LARGE1: variants seen among roughly 807,000 people sequenced by gnomAD.
LARGE1 encodes the protein xylosyl- and glucuronyltransferase LARGE1.
LARGE1 carries 43 observed loss-of-function variants against 87.6 expected under a neutral mutation model. The ratio of observed to expected loss-of-function variants is 0.49; its 90% CI spans 0.38 to 0.63. The LOEUF (loss-of-function observed/expected upper bound fraction) is 0.63. LARGE1 is among the 30% of genes least tolerant of loss of function. The pLI is 0.00. For synonymous variants in LARGE1, 434 were observed against 394.6 expected, an observed-to-expected ratio of 1.10 and a Z score of -1.18; for missense variants, 802 against 1,000.2, an observed-to-expected ratio of 0.80 and a Z score of 2.67.
chr22:33,735,704 T>TTTTAGGGTATTCAGAGTTGTGC (rs1279955463), intron 2 of LARGE1, among the ~76,000 whole-genome samples: 1 of 152,160 alleles, frequency 6.6e-6, no homozygotes, highest in African/African-American at 2.4e-5. Flanking sequence ...TTTCAGTGGT[T>TTTTAGGGTATTCAGAGTTGTGC]TTTAGGGTAT....
chr22:33,102,246 G>T, the LARGE1 span, among the ~76,000 whole-genome samples: 1 of 150,342 alleles, frequency 6.7e-6, no homozygotes, highest in South Asian at 2.1e-4. Context: ...TTGACTCACT[G>T]CAACCTCCGC....
chr22:33,176,447 C>CGAATTT (rs1922875701), intron 11 of LARGE1, among the ~76,000 whole-genome samples: 2 of 151,782 alleles, frequency 1.3e-5, no homozygotes, highest in Non-Finnish European at 2.9e-5. Flanking sequence ...AGAATTTAAA[C>CGAATTT]AAATTTACAA....
chr22:33,288,948 AATT>A (rs111962265), intron 12 of LARGE1, among the ~76,000 whole-genome samples: 35 of 150,930 alleles, frequency 2.3e-4, no homozygotes, highest in Middle Eastern at 3.4e-3. Flanking sequence ...TGGATCAAGG[AATT>A]ATTATTATTA....
At chr22:33,876,488 G>A (rs1346433140) in intron 1 of LARGE1, among the ~76,000 whole-genome samples, 1 of 151,214 alleles carries the variant, frequency 6.6e-6, no homozygotes, top group Non-Finnish European at 1.5e-5. Flanking sequence ...TATGCTTTCT[G>A]TGCTTTGCTG....
At chr22:33,242,571 C>T (rs548793164) in intron 11 of LARGE1, among the ~76,000 whole-genome samples, 25 of 152,116 alleles carry the variant, frequency 1.6e-4, no homozygotes, top group Non-Finnish European at 2.6e-4. Context: ...CTTTTCTTTC[C>T]GTTTTTTTCA....
At position 33,388,604 on chromosome 22, in the gene LARGE1, T is replaced by C. The variant is rs552892523; in HGVS notation, c.893-4300A>G. ...TTTTTTAGACAGAGTCTTGCTCTGC[T>C]GCCCAGGCTGGAGTGCAATGGCACG... On this transcript the variant is annotated intron_variant, in intron 7 of 14. Transcript: ENST00000397394. Among the ~76,000 whole-genome samples, 202 of 152,264 alleles carry C rather than the reference T, an allele frequency of 1.3e-3. 1 individual carries two copies. Among genetic ancestry groups the C allele is most frequent in the African/African-American group, 4.7e-3 (195 of 41,556 alleles).
chr22:33,188,379 G>T (rs1273064281), intron 11 of LARGE1, among the ~76,000 whole-genome samples: 2 of 152,022 alleles, frequency 1.3e-5, no homozygotes, highest in East Asian at 3.9e-4. Context: ...ATAAGGAGGG[G>T]CAGGTACAAC....
chr22:33,477,198 T>C (rs573180886), intron 6 of LARGE1, among the ~76,000 whole-genome samples: 1 of 152,292 alleles, frequency 6.6e-6, no homozygotes, highest in East Asian at 1.9e-4. Context: ...TATGTACAGA[T>C]TTCTTCCTTC....
intron 6 of LARGE1, among the ~76,000 whole-genome samples, chr22:33,496,204 G>A (rs765959767): frequency 6.6e-6 from 1 of 152,052 alleles, no homozygotes; most frequent in Admixed American, 6.5e-5. Context: ...TATTCCGGCC[G>A]TGCTGGCAGC....
At chr22:33,394,853 G>T (rs1002256375) in intron 7 of LARGE1, among the ~76,000 whole-genome samples, 2 of 152,028 alleles carry the variant, frequency 1.3e-5, no homozygotes, top group Non-Finnish European at 2.9e-5. Context: ...GTAAGTAAAT[G>T]TTTGAAGGAC....
chr22:33,716,962 A>T (rs1409858436), intron 2 of LARGE1, among the ~76,000 whole-genome samples: 1 of 152,212 alleles, frequency 6.6e-6, no homozygotes, highest in East Asian at 1.9e-4. Context: ...ATATCAAATG[A>T]ATGAGTTCTT....
At chr22:33,852,851 G>A (rs111898527) in intron 1 of LARGE1, among the ~76,000 whole-genome samples, 1,971 of 72,542 alleles carry the variant, frequency 0.027, 46 homozygotes, top group African/African-American at 0.1. Context: ...GCGAGACTCC[G>A]TCTCCAAAAA....
At chr22:33,648,674 A>T (rs1168425546) in intron 3 of LARGE1, among the ~76,000 whole-genome samples, 1 of 152,206 alleles carries the variant, frequency 6.6e-6, no homozygotes, top group Non-Finnish European at 1.5e-5. Flanking sequence ...ATACATAGAG[A>T]TATTAAGTAA....
chr22:33,140,615 T>C, the LARGE1 span, among the ~76,000 whole-genome samples: 47 of 152,314 alleles, frequency 3.1e-4, no homozygotes, highest in African/African-American at 9.9e-4. Context: ...CTTCTGGCTT[T>C]CATCTCTCTC....
At chr22:33,119,564 T>G in the LARGE1 span, among the ~76,000 whole-genome samples, 1 of 152,088 alleles carries the variant, frequency 6.6e-6, no homozygotes, top group Non-Finnish European at 1.5e-5. Flanking sequence ...CTGATGACTT[T>G]TTTTTTTCCC....
In LARGE1 at chr22:33,227,065, T is replaced by TA. The variant is rs1390224637; in HGVS notation, c.1731-60234dup. On this transcript the variant is annotated intron_variant, in intron 11 of 11. Coordinates refer to the LARGE1 transcript ENST00000608642. ...TTAACTCTGAGTGACTATATTTATT[T>TA]ATTTATTTAACAGATCCTTACATAA... Among the ~76,000 whole-genome samples, 3 of 152,258 alleles carry TA rather than the reference T, an allele frequency of 2.0e-5. No individual in the cohort carries two copies. In the East Asian group the frequency reaches 5.8e-4, roughly 29 times the overall value.
chr22:33,793,043 G>C (rs994175474), intron 1 of LARGE1, among the ~76,000 whole-genome samples: 15 of 152,240 alleles, frequency 9.9e-5, no homozygotes, highest in Admixed American at 8.5e-4. Flanking sequence ...GACGGAGGCA[G>C]GGAGTTCCAC....
chr22:33,664,857 TA>T (rs1279395093), intron 2 of LARGE1, among the ~76,000 whole-genome samples: 1 of 151,880 alleles, frequency 6.6e-6, no homozygotes, highest in Non-Finnish European at 1.5e-5. Context: ...GACTCCATCT[TA>T]AAAAAACAAC....
the LARGE1 span, among the ~76,000 whole-genome samples, chr22:33,143,354 C>T: frequency 6.6e-6 from 1 of 151,964 alleles, no homozygotes; most frequent in South Asian, 2.1e-4. Flanking sequence ...CTCATGAGAC[C>T]AAAAAATCAA....
Sources: allele counts gnomAD v4.1 joint callset (sites outside exome capture counted in the v4.1 genomes callset), GRCh38; gene constraint gnomAD v4.1.1; transcripts MANE v1.5; gene names NCBI Gene and HGNC (gene_info 2026-07-23, HGNC 2026-07-21).